The following NIM1K variants were observed in gnomAD, a reference collection of about 807,000 sequenced individuals.
The protein encoded by NIM1K is serine/threonine-protein kinase NIM1.
Under a neutral mutation model 37.1 loss-of-function variants are expected in NIM1K, and 35 were observed. That is an observed-to-expected ratio of 0.94 (90% CI 0.72 to 1.25). NIM1K has a LOEUF of 1.25. Ranked by LOEUF, NIM1K falls within the 50% of genes most tolerant of loss-of-function variation. The pLI, the probability that NIM1K is intolerant of heterozygous loss-of-function variation, is 0.00. For synonymous variants in NIM1K, 234 were observed against 206.6 expected, an observed-to-expected ratio of 1.13 and a Z score of -1.14; for missense variants, 564 against 548.0, an observed-to-expected ratio of 1.03 and a Z score of -0.29.
chr5:43,234,137 C>A (rs1259049406), intron 1 of NIM1K, among the ~76,000 whole-genome samples: 2 of 152,180 alleles, frequency 1.3e-5, no homozygotes, highest in Non-Finnish European at 2.9e-5. Context: ...AAATCAAGGG[C>A]AACTGCCTTA....
At chr5:43,278,086 C>A (rs1269387298) in intron 3 of NIM1K, among the ~76,000 whole-genome samples, 3 of 150,442 alleles carry the variant, frequency 2.0e-5, no homozygotes, top group Non-Finnish European at 4.4e-5. Context: ...TCCTCTGTCA[C>A]CCAGGATGGA....
At chr5:43,238,039 AT>A (rs71608701) in intron 1 of NIM1K, among the ~76,000 whole-genome samples, 15,925 of 120,426 alleles carry the variant, frequency 0.13, 487 homozygotes, top group Middle Eastern at 0.19. Context: ...CTTCAATTTA[AT>A]TTTTTTTTTT....
At chr5:43,198,184 TTTC>T in intron 1 of NIM1K, among the ~76,000 whole-genome samples, 1 of 56,276 alleles carries the variant, frequency 1.8e-5, no homozygotes, top group Non-Finnish European at 3.6e-5. Flanking sequence ...TCTTTCTTTC[TTTC>T]TTTCTTTCTT....
chr5:43,214,813 C>CAAAAAAAAAAAAAAAAAAAAAAAAA (rs369233525), intron 1 of NIM1K, among the ~76,000 whole-genome samples: 1 of 71,736 alleles, frequency 1.4e-5, no homozygotes, highest in African/African-American at 5.5e-5. Context: ...GACTCCGTCT[C>CAAAAAAAAAAAAAAAAAAAAAAAAA]AAAAAAAAAA....
chr5:43,270,535 G>C (rs1269928658), intron 2 of NIM1K, among the ~76,000 whole-genome samples: 1 of 152,190 alleles, frequency 6.6e-6, no homozygotes, highest in African/African-American at 2.4e-5. Flanking sequence ...TGAATGAGGA[G>C]TGGAAGAAGG....
Position 43,277,428 on chromosome 5 carries a change from C to T in NIM1K, c.561+103C>T, listed in dbSNP as rs1378652254. ...TCAAGTGTCCCAGAGGGCTTTTGTC[C>T]TACAAAGCAGACAGTAGTCCCTTCT... On this transcript the variant is annotated intron_variant, in intron 3 of 3. Transcript: ENST00000326035. 8 of 1,266,416 alleles carry T rather than the reference C, an allele frequency of 6.3e-6. No homozygotes were observed. In the Admixed American group the frequency reaches 6.6e-5, roughly 10 times the overall value. 78.4% of individuals were successfully genotyped at this position (1,266,416 alleles called of 1,614,324 possible). A position where few individuals can be genotyped will look rare whatever the true frequency, so the allele number is the denominator to read the frequency against.
chr5:43,272,354 C>T (rs1038854894), intron 2 of NIM1K, among the ~76,000 whole-genome samples: 3 of 152,082 alleles, frequency 2.0e-5, no homozygotes, highest in Non-Finnish European at 2.9e-5. Context: ...GTTTTATGCT[C>T]CTAATGCTCC....
chr5:43,275,311 C>T (rs1262200416), intron 2 of NIM1K, among the ~76,000 whole-genome samples: 2 of 152,158 alleles, frequency 1.3e-5, no homozygotes, highest in Non-Finnish European at 2.9e-5. Context: ...ATTAGACCTA[C>T]CACACTCTAT....
chr5:43,201,973 CAAA>C (rs1233857895), intron 1 of NIM1K, among the ~76,000 whole-genome samples: 15 of 89,014 alleles, frequency 1.7e-4, no homozygotes, highest in Admixed American at 1.3e-4. Flanking sequence ...GACTCCCTCT[CAAA>C]AAAAAAAAAA....
intron 2 of NIM1K, among the ~76,000 whole-genome samples, chr5:43,260,693 A>G (rs1193454623): frequency 1.3e-5 from 2 of 151,968 alleles, no homozygotes; most frequent in Non-Finnish European, 2.9e-5. Context: ...CATGTGCCAT[A>G]TTGGTGTGCT....
At chr5:43,279,303 C>G (rs1753401411) in intron 3 of NIM1K, among the ~76,000 whole-genome samples, 1 of 152,170 alleles carries the variant, frequency 6.6e-6, no homozygotes, top group South Asian at 2.1e-4. Context: ...ATAGTTGAAC[C>G]TAGAATTGAC....
At chr5:43,224,151 C>G (rs553120619) in intron 1 of NIM1K, among the ~76,000 whole-genome samples, 18 of 151,892 alleles carry the variant, frequency 1.2e-4, no homozygotes, top group African/African-American at 2.4e-4. Flanking sequence ...TATCCTCCCC[C>G]CTCTTGCCTC....
intron 2 of NIM1K, among the ~76,000 whole-genome samples, chr5:43,255,756 A>C (rs2112276157): frequency 1.1e-5 from 1 of 93,520 alleles, no homozygotes; most frequent in South Asian, 3.2e-4. Flanking sequence ...TCAAAAAAAA[A>C]AGAAAGAAAG....
chr5:43,254,937 A>ATT (rs892930243), intron 2 of NIM1K, among the ~76,000 whole-genome samples: 20 of 152,108 alleles, frequency 1.3e-4, no homozygotes, highest in African/African-American at 4.8e-4. Context: ...TCAAAATTGT[A>ATT]TTTTCTTACT....
chr5:43,276,986 A>G, intron 2 of NIM1K, 71 bp from the exon 3 acceptor site: 1 of 1,471,534 alleles, frequency 6.8e-7, no homozygotes, highest in South Asian at 1.3e-5. Flanking sequence ...AAAGGAGCTG[A>G]TCCAGGTCCT....
chr5:43,202,589 G>T (rs1045306853), intron 1 of NIM1K, among the ~76,000 whole-genome samples: 2 of 152,222 alleles, frequency 1.3e-5, no homozygotes, highest in African/African-American at 4.8e-5. Flanking sequence ...GAATCAGCCA[G>T]TCGGCTTGGA....
intron 1 of NIM1K, among the ~76,000 whole-genome samples, chr5:43,234,155 A>G (rs571641011): frequency 6.6e-6 from 1 of 152,278 alleles, no homozygotes; most frequent in South Asian, 2.1e-4. Context: ...TTAACTTCAG[A>G]TGGCCTTAGT....
intron 2 of NIM1K, among the ~76,000 whole-genome samples, chr5:43,258,549 C>T (rs1752979970): frequency 2.0e-5 from 3 of 151,950 alleles, no homozygotes; most frequent in Admixed American, 2.0e-4. Context: ...TTGAGTGATC[C>T]TCCAACCTCA....
intron 1 of NIM1K, among the ~76,000 whole-genome samples, chr5:43,235,783 G>C (rs572957428): frequency 1.3e-5 from 2 of 152,058 alleles, no homozygotes; most frequent in East Asian, 3.9e-4. Flanking sequence ...TCTAAGAGGG[G>C]TATAATGTGC....
Sources: allele counts gnomAD v4.1 joint callset (sites outside exome capture counted in the v4.1 genomes callset), GRCh38; gene constraint gnomAD v4.1.1; transcripts MANE v1.5; gene names NCBI Gene and HGNC (gene_info 2026-07-23, HGNC 2026-07-21).